The following MUSK variants were observed in gnomAD, a reference collection of about 807,000 sequenced individuals.
MUSK encodes the protein muscle associated receptor tyrosine kinase.
MUSK carries 55 observed loss-of-function variants against 88.7 expected under a neutral mutation model. The ratio of observed to expected loss-of-function variants is 0.62; its 90% CI spans 0.50 to 0.78. The LOEUF (loss-of-function observed/expected upper bound fraction) is 0.78. Ranked by LOEUF, MUSK falls within the 30% of genes least tolerant of loss-of-function variation. MUSK has a pLI of 0.00. For synonymous variants in MUSK, 387 were observed against 391.9 expected, an observed-to-expected ratio of 0.99 and a Z score of 0.15; for missense variants, 1,015 against 1,074.3, an observed-to-expected ratio of 0.94 and a Z score of 0.77.
chr9:110,716,513 T>G (rs1418172507), intron 5 of MUSK, among the ~76,000 whole-genome samples: 4 of 150,192 alleles, frequency 2.7e-5, no homozygotes, highest in Admixed American at 2.6e-4. Flanking sequence ...TTATAAACAT[T>G]ATATTTTAAT....
chr9:110,716,751 A>T (rs2076749122), intron 5 of MUSK, among the ~76,000 whole-genome samples: 1 of 150,034 alleles, frequency 6.7e-6, no homozygotes, highest in African/African-American at 2.5e-5. Flanking sequence ...CTTTTCTTAT[A>T]TCTTCTCTTA....
At chr9:110,670,933 A>G (rs1211553423) in intron 1 of MUSK, among the ~76,000 whole-genome samples, 1 of 152,142 alleles carries the variant, frequency 6.6e-6, no homozygotes, top group Non-Finnish European at 1.5e-5. Context: ...TGAGGAATAC[A>G]TTGGTAGAAA....
At chr9:110,781,355 C>T (rs1287199144) in intron 11 of MUSK, among the ~76,000 whole-genome samples, 1 of 152,144 alleles carries the variant, frequency 6.6e-6, no homozygotes, top group Non-Finnish European at 1.5e-5. Context: ...TGGTTCACTG[C>T]AAGCTCCGCC....
intron 3 of MUSK, among the ~76,000 whole-genome samples, chr9:110,689,375 T>C (rs2076253865): frequency 8.5e-6 from 1 of 117,614 alleles, no homozygotes; most frequent in Non-Finnish European, 1.6e-5. Flanking sequence ...TATTTATATA[T>C]ATGTAAAAAA....
chr9:110,728,487 G>T (rs1377938431), intron 5 of MUSK, among the ~76,000 whole-genome samples: 1 of 152,014 alleles, frequency 6.6e-6, no homozygotes, highest in Non-Finnish European at 1.5e-5. Context: ...GAAATCTTAT[G>T]TCATTTAACA....
chr9:110,771,514 T>G (rs1317647219), intron 9 of MUSK, among the ~76,000 whole-genome samples: 1 of 152,242 alleles, frequency 6.6e-6, no homozygotes, highest in Admixed American at 6.5e-5. Context: ...TATATACTGC[T>G]TTGTGTCTGA....
intron 7 of MUSK, among the ~76,000 whole-genome samples, chr9:110,761,567 C>CTTTTT (rs1168716499): frequency 7.6e-5 from 4 of 52,720 alleles, no homozygotes; most frequent in Admixed American, 2.6e-4. Context: ...CCACATCTTG[C>CTTTTT]TTTTTTTTTT....
At chr9:110,729,326 T>TAAAAAAAAAAAAAAAAAAA (rs34882321) in intron 5 of MUSK, among the ~76,000 whole-genome samples, 1 of 97,426 alleles carries the variant, frequency 1.0e-5, no homozygotes, top group Non-Finnish European at 2.1e-5. Flanking sequence ...CTGTTTTCTG[T>TAAAAAAAAAAAAAAAAAAA]AAAAAAAAAA....
intron 5 of MUSK, among the ~76,000 whole-genome samples, chr9:110,713,602 T>C (rs966735725): frequency 4.6e-5 from 7 of 152,106 alleles, no homozygotes; most frequent in Non-Finnish European, 5.9e-5. Flanking sequence ...CCTAACATCC[T>C]GACAATGTGG....
chr9:110,788,604 C>G (rs2077915020), intron 14 of MUSK, among the ~76,000 whole-genome samples: 1 of 150,854 alleles, frequency 6.6e-6, no homozygotes, highest in South Asian at 2.1e-4. Context: ...TGCACCACAG[C>G]CTGGGTGACA....
rs2076726990 is a variant in MUSK at position 110,714,979 on chromosome 9, C to G, written c.628+17513C>G. ...TTTCTCTCTCTACAGAGTGATTTCT[C>G]TGTCTCAAATAATTCAGTTTATGAA... On this transcript the variant is annotated intron_variant, in intron 5 of 14. Transcript: ENST00000374448. Among the ~76,000 whole-genome samples, 2 of 150,506 alleles carry G rather than the reference C, an allele frequency of 1.3e-5. 1 individual carries two copies. The highest frequency in any genetic ancestry group is 2.9e-5 in the Non-Finnish European group (2 of 67,964).
At chr9:110,780,998 T>C (rs1244304240) in intron 11 of MUSK, among the ~76,000 whole-genome samples, 18 of 59,538 alleles carry the variant, frequency 3.0e-4, no homozygotes. Context: ...GACCCTCCAT[T>C]TGCTGCAGGG....
intron 1 of MUSK, among the ~76,000 whole-genome samples, chr9:110,680,277 T>C (rs906726563): frequency 6.6e-6 from 1 of 152,188 alleles, no homozygotes; most frequent in Non-Finnish European, 1.5e-5. Flanking sequence ...GGCATTCCTA[T>C]TAAGGAATTA....
intron 7 of MUSK, 82 bp from the exon 8 acceptor site, chr9:110,762,120 A>G: frequency 8.3e-7 from 1 of 1,203,388 alleles, no homozygotes. Context: ...TCTCAGCCAA[A>G]GCATAAGATG....
At chr9:110,785,463 G>T in intron 12 of MUSK, 64 bp from the exon 13 acceptor site, 1 of 1,307,458 alleles carries the variant, frequency 7.6e-7, no homozygotes, top group South Asian at 1.9e-5. Context: ...TAGAATCTAA[G>T]TCTAAGTACA....
At chr9:110,746,489 A>G (rs909021622) in intron 6 of MUSK, among the ~76,000 whole-genome samples, 2 of 152,228 alleles carry the variant, frequency 1.3e-5, no homozygotes, top group Non-Finnish European at 2.9e-5. Context: ...TTGGTGTCAG[A>G]CACGCTAGGA....
At chr9:110,730,717 C>T (rs2076952620) in intron 5 of MUSK, among the ~76,000 whole-genome samples, 1 of 152,008 alleles carries the variant, frequency 6.6e-6, no homozygotes. Flanking sequence ...TCCCTCATCA[C>T]CTTTTTACCT....
chr9:110,689,083 T>A (rs1487435575), intron 3 of MUSK, among the ~76,000 whole-genome samples: 1 of 137,018 alleles, frequency 7.3e-6, no homozygotes, highest in Non-Finnish European at 1.5e-5. Context: ...TATATAGTTA[T>A]ATATTTACAT....
intron 3 of MUSK, among the ~76,000 whole-genome samples, chr9:110,689,890 A>G (rs1433042736): frequency 3.1e-5 from 3 of 98,164 alleles, no homozygotes; most frequent in Non-Finnish European, 5.3e-5. Flanking sequence ...ATTTAAATAT[A>G]AATTATATAA....
Sources: allele counts gnomAD v4.1 joint callset (sites outside exome capture counted in the v4.1 genomes callset), GRCh38; gene constraint gnomAD v4.1.1; transcripts MANE v1.5; gene names NCBI Gene and HGNC (gene_info 2026-07-23, HGNC 2026-07-21).